Variants in NDST4 observed in about 807,000 individuals in gnomAD.
NDST4 encodes N-heparan sulfate sulfotransferase 4.
NDST4 carries 63 observed loss-of-function variants against 100.8 expected under a neutral mutation model. The observed-to-expected ratio is 0.62, with a 90% CI of 0.51 to 0.77. The LOEUF (loss-of-function observed/expected upper bound fraction) is 0.77. Among genes scored for constraint, NDST4 ranks in the 30% least tolerant of loss-of-function variants. The probability of loss-of-function intolerance (pLI) is 0.00; values close to 1 mark genes in which losing one functional copy is unlikely to be tolerated. For missense variants in NDST4, 943 were observed against 1,018.4 expected (o/e 0.93, Z 1.01); for synonymous variants, 377 against 361.8 (o/e 1.04, Z -0.48).
At chr4:114,986,505 A>G (rs1256680584) in intron 2 of NDST4, among the ~76,000 whole-genome samples, 2 of 152,058 alleles carry the variant, frequency 1.3e-5, no homozygotes, top group Non-Finnish European at 2.9e-5. Context: ...TGAGATCAGA[A>G]AATTTCCTTA....
At chr4:114,951,020 G>A (rs1725978361) in intron 4 of NDST4, among the ~76,000 whole-genome samples, 1 of 151,904 alleles carries the variant, frequency 6.6e-6, no homozygotes, top group Admixed American at 6.6e-5. Flanking sequence ...AGGAAAGGAA[G>A]AAAGGAAGTC....
intron 1 of NDST4, among the ~76,000 whole-genome samples, chr4:115,095,164 G>C (rs1325656976): frequency 6.6e-6 from 1 of 151,870 alleles, no homozygotes; most frequent in Non-Finnish European, 1.5e-5. Context: ...TCAAACAGGA[G>C]CCTCACAACT....
At chr4:114,995,666 C>A (rs1410175983) in intron 2 of NDST4, among the ~76,000 whole-genome samples, 2 of 152,052 alleles carry the variant, frequency 1.3e-5, no homozygotes, top group Admixed American at 6.6e-5. Context: ...CCCAATTATT[C>A]ATTTTTATCA....
intron 6 of NDST4, among the ~76,000 whole-genome samples, chr4:114,898,449 C>G (rs1021030198): frequency 2.6e-5 from 4 of 152,062 alleles, no homozygotes; most frequent in Non-Finnish European, 4.4e-5. Context: ...GTATTTGATA[C>G]CTGTAGCTTT....
chr4:114,967,527 A>T (rs1045157224), intron 4 of NDST4, among the ~76,000 whole-genome samples: 2 of 152,148 alleles, frequency 1.3e-5, no homozygotes, highest in African/African-American at 4.8e-5. Context: ...ATTATGAAAT[A>T]TAACCTATAT....
intron 4 of NDST4, among the ~76,000 whole-genome samples, chr4:114,948,937 G>A (rs1252756111): frequency 6.6e-6 from 1 of 152,032 alleles, no homozygotes; most frequent in Non-Finnish European, 1.5e-5. Flanking sequence ...TTAACTAATA[G>A]TTTGGAGGGA....
chr4:114,932,955 G>A (rs945162806), intron 6 of NDST4, among the ~76,000 whole-genome samples: 17 of 151,866 alleles, frequency 1.1e-4, no homozygotes, highest in Admixed American at 1.0e-3. Flanking sequence ...CTTTTTCACA[G>A]AAATATAAAA....
At chr4:114,920,026 T>G (rs1197864167) in intron 6 of NDST4, among the ~76,000 whole-genome samples, 1 of 152,154 alleles carries the variant, frequency 6.6e-6, no homozygotes. Flanking sequence ...ACCATAATAA[T>G]TTAGCCAATG....
intron 2 of NDST4, among the ~76,000 whole-genome samples, chr4:115,021,821 C>T (rs993840508): frequency 2.7e-5 from 4 of 147,596 alleles, no homozygotes; most frequent in Non-Finnish European, 5.9e-5. Context: ...ATATATATAC[C>T]TTCCACATCT....
intron 6 of NDST4, among the ~76,000 whole-genome samples, chr4:114,925,363 A>G (rs1479517234): frequency 6.6e-6 from 1 of 152,134 alleles, no homozygotes; most frequent in Non-Finnish European, 1.5e-5. Context: ...GCAGCTCTAT[A>G]TTATTTCAGC....
At chr4:115,012,323 G>A (rs904205757) in intron 2 of NDST4, among the ~76,000 whole-genome samples, 4 of 151,794 alleles carry the variant, frequency 2.6e-5, no homozygotes, top group Non-Finnish European at 4.4e-5. Flanking sequence ...TTTATAAAAG[G>A]CTGGGTTATC....
At chr4:114,828,946 A>T (rs1346149384) in intron 13 of NDST4, among the ~76,000 whole-genome samples, 1 of 152,178 alleles carries the variant, frequency 6.6e-6, no homozygotes, top group Non-Finnish European at 1.5e-5. Context: ...TTCTTCCCTT[A>T]AACCAGATTG....
intron 2 of NDST4, among the ~76,000 whole-genome samples, chr4:115,017,513 A>G (rs1727704089): frequency 6.6e-6 from 1 of 152,058 alleles, no homozygotes; most frequent in South Asian, 2.1e-4. Context: ...ACCTACTCAG[A>G]TTTCAAATAT....
chr4:115,049,048 T>C (rs1049438239), intron 2 of NDST4, among the ~76,000 whole-genome samples: 1 of 152,198 alleles, frequency 6.6e-6, no homozygotes, highest in Non-Finnish European at 1.5e-5. Context: ...TACTATGTTT[T>C]CTCTCTAATG....
At chr4:114,980,676 T>C (rs529402663) in intron 2 of NDST4, among the ~76,000 whole-genome samples, 2 of 150,076 alleles carry the variant, frequency 1.3e-5, no homozygotes, top group African/African-American at 5.0e-5. Flanking sequence ...AAAATAAAAA[T>C]AATAAAATGC....
chr4:114,828,080 GTTA>G (rs1723120171), intron 13 of NDST4, 145 bp from the exon 14 acceptor site: 1 of 766,840 alleles, frequency 1.3e-6, no homozygotes, highest in Non-Finnish European at 1.8e-6. Context: ...TCAAATATCA[GTTA>G]TTTTTACCTT....
At chr4:114,913,860 T>G (rs189299650) in intron 6 of NDST4, among the ~76,000 whole-genome samples, 2 of 152,084 alleles carry the variant, frequency 1.3e-5, no homozygotes, top group Middle Eastern at 3.4e-3. Flanking sequence ...TTTATGAACA[T>G]TTTGAGGATA....
At chr4:115,038,983 GA>G (rs33951232) in intron 2 of NDST4, among the ~76,000 whole-genome samples, 13,728 of 149,352 alleles carry the variant, frequency 0.092, 1,880 homozygotes, top group African/African-American at 0.3. Context: ...ACCTCAGAAA[GA>G]AAAAAAAAAT....
intron 1 of NDST4, among the ~76,000 whole-genome samples, chr4:115,080,448 T>G (rs1729277729): frequency 6.6e-6 from 1 of 152,170 alleles, no homozygotes; most frequent in Non-Finnish European, 1.5e-5. Flanking sequence ...AATGAAATTC[T>G]TTAATGTAAT....
Sources: allele counts gnomAD v4.1 joint callset (sites outside exome capture counted in the v4.1 genomes callset), GRCh38; gene constraint gnomAD v4.1.1; transcripts MANE v1.5; gene names NCBI Gene and HGNC (gene_info 2026-07-23, HGNC 2026-07-21).